WDR1: variants seen among roughly 807,000 people sequenced by gnomAD.
WDR1 encodes WD repeat-containing protein 1.
Under a neutral mutation model 71.9 loss-of-function variants are expected in WDR1, and 21 were observed. The observed-to-expected ratio is 0.29, with a 90% confidence interval of 0.21 to 0.42. WDR1 has a LOEUF of 0.42. Among genes scored for constraint, WDR1 ranks in the 10% least tolerant of loss-of-function variants. The probability of loss-of-function intolerance (pLI) is 1.00; values close to 1 mark genes in which losing one functional copy is unlikely to be tolerated. For missense variants in WDR1, 696 were observed against 824.5 expected (o/e 0.84, Z 1.91); for synonymous variants, 424 against 347.4 (o/e 1.22, Z -2.45).
chr4:10,090,205 G>A (rs1039560578), intron 5 of WDR1, among the ~76,000 whole-genome samples: 1 of 152,168 alleles, frequency 6.6e-6, no homozygotes. Context: ...CCCAATCTGT[G>A]GCTTAACAAA....
intron 2 of WDR1, among the ~76,000 whole-genome samples, chr4:10,111,102 T>A (rs1048899959): frequency 6.8e-6 from 1 of 147,722 alleles, no homozygotes; most frequent in African/African-American, 2.4e-5. Context: ...AGATCTCAGA[T>A]ACAGAACTTC....
At chr4:10,111,382 C>G (rs903881983) in intron 2 of WDR1, among the ~76,000 whole-genome samples, 1 of 152,196 alleles carries the variant, frequency 6.6e-6, no homozygotes, top group African/African-American at 2.4e-5. Flanking sequence ...CTCAGATTCT[C>G]CTGAGATGAA....
Position 10,084,048 on chromosome 4 carries a change from C to T in WDR1, c.1039+395G>A, listed in dbSNP as rs1314379141. On this transcript the variant is annotated intron_variant, in intron 9 of 14. Transcript: ENST00000499869. ...CAAGGGGACCCAACGTAAGGGTGTC[C>T]AGGTGCTTGTGAATTCTAGGAATCA... Among the ~76,000 whole-genome samples, 3 of 152,166 alleles carry T rather than the reference C, an allele frequency of 2.0e-5. No individual in the cohort carries two copies. The East Asian group carries it at 5.8e-4, about 29-fold the overall frequency.
At chr4:10,110,619 C>T (rs939588509) in intron 2 of WDR1, among the ~76,000 whole-genome samples, 2 of 152,226 alleles carry the variant, frequency 1.3e-5, no homozygotes, top group Non-Finnish European at 2.9e-5. Context: ...TGTGGCACTT[C>T]TCCAGCAGCT....
intron 5 of WDR1, among the ~76,000 whole-genome samples, chr4:10,093,633 C>A (rs1015537768): frequency 6.6e-6 from 1 of 152,222 alleles, no homozygotes; most frequent in Non-Finnish European, 1.5e-5. Context: ...CCTAACTAAC[C>A]GTCCTTGGGG....
intron 3 of WDR1, among the ~76,000 whole-genome samples, chr4:10,099,483 A>T (rs980910447): frequency 6.6e-6 from 1 of 152,264 alleles, no homozygotes. Context: ...ATATGCCAGG[A>T]AGTGGTTTAG....
At chr4:10,115,271 G>C (rs1057340365) in intron 2 of WDR1, among the ~76,000 whole-genome samples, 10 of 152,226 alleles carry the variant, frequency 6.6e-5, no homozygotes, top group African/African-American at 2.2e-4. Context: ...CCCAGGAAGG[G>C]AGGGAGACTG....
intron 11 of WDR1, 129 bp from the exon 12 acceptor site, chr4:10,079,130 G>A: frequency 3.1e-6 from 2 of 635,652 alleles, no homozygotes; most frequent in Non-Finnish European, 2.7e-6. Context: ...CCTCTTTGCA[G>A]GGCCACCTGG....
chr4:10,075,686 T>G, intron 14 of WDR1: 2 of 597,880 alleles, frequency 3.3e-6, no homozygotes, highest in Non-Finnish European at 3.0e-6. Flanking sequence ...CGGGGCCGGG[T>G]ACCTCTTTTT....
chr4:10,078,705 C>A, intron 12 of WDR1, 186 bp downstream of exon 12: 1 of 552,036 alleles, frequency 1.8e-6, no homozygotes, highest in South Asian at 2.3e-5. Context: ...GGGGAAGGCT[C>A]CAGCCCTGGG....
chr4:10,090,886 G>T (rs1711930625), intron 5 of WDR1, among the ~76,000 whole-genome samples: 1 of 152,254 alleles, frequency 6.6e-6, no homozygotes, highest in South Asian at 2.1e-4. Context: ...TGCTGTCATG[G>T]TGCTTGCATT....
intron 2 of WDR1, among the ~76,000 whole-genome samples, chr4:10,107,299 C>G (rs189251117): frequency 1.3e-5 from 2 of 152,328 alleles, no homozygotes; most frequent in Admixed American, 1.3e-4. Context: ...GTTTTCCTTG[C>G]CAACTCCCAA....
intron 7 of WDR1, 89 bp downstream of exon 7, chr4:10,088,204 T>C (rs780490184): frequency 3.8e-6 from 5 of 1,306,966 alleles, no homozygotes; most frequent in East Asian, 2.5e-5. Flanking sequence ...TTTCAAGTTT[T>C]TGTCTAACTC....
At chr4:10,115,636 CGA>C (rs1713666994) in intron 2 of WDR1, 1 of 153,258 alleles carries the variant, frequency 6.5e-6, no homozygotes, top group African/African-American at 2.4e-5. Flanking sequence ...GCAGGCGAAG[CGA>C]GAGTGGTCAT....
chr4:10,097,982 T>C (rs1214316499), intron 4 of WDR1, 91 bp from the exon 5 acceptor site: 4 of 1,316,038 alleles, frequency 3.0e-6, no homozygotes, highest in Non-Finnish European at 4.1e-6. Flanking sequence ...GAGCTGCCAG[T>C]GCACAGAGGA....
chr4:10,109,680 C>T (rs1713231782), intron 2 of WDR1, among the ~76,000 whole-genome samples: 1 of 152,252 alleles, frequency 6.6e-6, no homozygotes, highest in Non-Finnish European at 1.5e-5. Context: ...GAGCGGGACA[C>T]CACCACCTCC....
intron 3 of WDR1, 25 bp from the exon 4 acceptor site, chr4:10,099,164 G>C (rs752638647): frequency 9.9e-6 from 14 of 1,412,146 alleles, no homozygotes; most frequent in African/African-American, 1.4e-5. Flanking sequence ...GGGCGGGGGA[G>C]GGGGGGAGGC....
intron 2 of WDR1, among the ~76,000 whole-genome samples, chr4:10,112,968 A>C (rs532595056): frequency 2.6e-5 from 4 of 152,304 alleles, no homozygotes; most frequent in African/African-American, 7.2e-5. Context: ...CTTGCTTCCT[A>C]CTTATTGTCA....
At position 10,075,278 on chromosome 4, in the gene WDR1, G is replaced by A; in HGVS notation, c.*100C>T. Reference sequence around the variant, plus strand: ...CCTCCTGCCTCTTGTGGTGGGGTGGGGGCATGGGGGCGCGTCACAGAAATA... The same window carrying A: ...CCTCCTGCCTCTTGTGGTGGGGTGGAGGCATGGGGGCGCGTCACAGAAATA... On this transcript the variant is annotated 3_prime_UTR_variant, in exon 15 of 15. Transcript: ENST00000499869. The A allele has an allele frequency of 3.9e-6, 4 of 1,032,600 alleles. No homozygotes were observed. Among genetic ancestry groups the A allele is most frequent in the Non-Finnish European group, 5.8e-6 (4 of 685,258 alleles). 64.0% of individuals were successfully genotyped at this position (1,032,600 alleles called of 1,614,324 possible).
Sources: allele counts gnomAD v4.1 joint callset (sites outside exome capture counted in the v4.1 genomes callset), GRCh38; gene constraint gnomAD v4.1.1; transcripts MANE v1.5; gene names NCBI Gene and HGNC (gene_info 2026-07-23, HGNC 2026-07-21).